The following ANK2 variants were observed in gnomAD, a reference collection of about 807,000 sequenced individuals.
The protein encoded by ANK2 is ankyrin 2, also known as ankyrin-2.
Under a neutral mutation model 360.5 loss-of-function variants are expected in ANK2, and 83 were observed. The ratio of observed to expected loss-of-function variants is 0.23; its 90% CI spans 0.19 to 0.28. The LOEUF is 0.28. ANK2 is among the 10% of genes least tolerant of loss of function. The pLI, the probability that ANK2 is intolerant of heterozygous loss-of-function variation, is 1.00. For synonymous variants in ANK2, 1,740 were observed against 1,759.5 expected (o/e 0.99, Z 0.28); for missense variants, 4,201 against 4,795.7 (o/e 0.88, Z 3.66).
intron 15 of ANK2, 48 bp downstream of exon 15, chr4:113,274,697 T>TC (rs1474505492): frequency 1.9e-6 from 3 of 1,590,868 alleles, no homozygotes; most frequent in Non-Finnish European, 2.6e-6. Context: ...GATTCCTAAG[T>TC]CATGGCCTTT....
intron 1 of ANK2, among the ~76,000 whole-genome samples, chr4:112,821,000 T>G (rs1286259405): frequency 6.6e-6 from 1 of 152,138 alleles, no homozygotes; most frequent in Admixed American, 6.5e-5. Flanking sequence ...CAACCTCCGC[T>G]TCCCGGGTTC....
intron 2 of ANK2, among the ~76,000 whole-genome samples, chr4:113,038,011 A>G (rs529446390): frequency 3.3e-5 from 5 of 152,028 alleles, no homozygotes; most frequent in African/African-American, 1.2e-4. Context: ...CTTGCACTAC[A>G]TGTGTCCCTT....
At position 113,242,179 on chromosome 4, in the gene ANK2, T is replaced by C; in HGVS notation, c.861T>C (p.Asp287=). The C allele has an allele frequency of 1.2e-6, 2 of 1,614,034 alleles. No individual in the cohort carries two copies. Among genetic ancestry groups the C allele is most frequent in the Non-Finnish European group, 1.7e-6 (2 of 1,179,930 alleles). Residue 287 remains aspartate (D), a synonymous_variant, in exon 9 of 46, where the codon GAT becomes GAC. Coordinates refer to ENST00000357077, the MANE Select transcript of ANK2 (RefSeq NM_001148.6). ...GNTNMVKLLL[D]RGGQIDAKTR... is the part of the protein sequence containing the mutation. Reference sequence around the variant, plus strand: ...CAAACATGGTGAAGCTCTTACTGGATCGAGGCGGTCAGATCGATGCCAAAA... The same window carrying C: ...CAAACATGGTGAAGCTCTTACTGGACCGAGGCGGTCAGATCGATGCCAAAA...
chr4:112,958,048 A>T (rs183180262), intron 2 of ANK2, among the ~76,000 whole-genome samples: 1 of 149,868 alleles, frequency 6.7e-6, no homozygotes, highest in African/African-American at 2.5e-5. Flanking sequence ...GTGGCCGGGA[A>T]GAGGCGCTCC....
intron 1 of ANK2, among the ~76,000 whole-genome samples, chr4:113,170,411 G>C (rs181194530): frequency 8.5e-5 from 13 of 152,204 alleles, no homozygotes; most frequent in Non-Finnish European, 1.6e-4. Flanking sequence ...ACAGCAAAAT[G>C]TTCTGTCTAT....
At position 113,160,250 on chromosome 4, in the gene ANK2, A is replaced by G. The variant is rs1414081683; in HGVS notation, c.85-14166A>G. The G allele has an allele frequency of 3.0e-5, 9 of 299,204 alleles. No individual in the cohort carries two copies. In the Admixed American group the frequency reaches 4.4e-4, roughly 15 times the overall value. 18.5% of individuals were successfully genotyped at this position (299,204 alleles called of 1,614,324 possible). On this transcript the variant is annotated intron_variant, in intron 1 of 45. Transcript: ENST00000357077. ...GAAACTTAAAAAAATTAATAAATAG[A>G]GACAGGGTCTCACTATGTTGTCAAG...
chr4:113,010,077 T>C (rs189965698), intron 2 of ANK2, among the ~76,000 whole-genome samples: 3 of 152,278 alleles, frequency 2.0e-5, no homozygotes, highest in Admixed American at 1.3e-4. Flanking sequence ...AAACTACTTC[T>C]GGGGCTTTTA....
At chr4:113,047,181 TCTTC>T (rs770851922), upstream of ANK2, among the ~76,000 whole-genome samples, 6 of 152,246 alleles carry the variant, frequency 3.9e-5, no homozygotes. Context: ...CCTAGAATAT[TCTTC>T]CTTCAGGTAA....
intron 18 of ANK2, among the ~76,000 whole-genome samples, chr4:113,285,886 T>G (rs2064327474): frequency 6.6e-6 from 1 of 152,202 alleles, no homozygotes; most frequent in Admixed American, 6.5e-5. Flanking sequence ...CACAACGTTA[T>G]AACAAAAGAC....
At chr4:112,785,152 T>G in the ANK2 span, among the ~76,000 whole-genome samples, 1 of 152,330 alleles carries the variant, frequency 6.6e-6, no homozygotes, top group African/African-American at 2.4e-5. Context: ...AGGCTGTGAA[T>G]GCAAATGATG....
chr4:113,224,305 A>G (rs946643305), intron 4 of ANK2, among the ~76,000 whole-genome samples: 1 of 152,262 alleles, frequency 6.6e-6, no homozygotes, highest in African/African-American at 2.4e-5. Context: ...TTTATGTAAC[A>G]AATATTTACT....
At chr4:113,330,137 T>TA (rs1344140513) in intron 26 of ANK2, 109 bp from the exon 27 acceptor site, 21 of 1,104,890 alleles carry the variant, frequency 1.9e-5, no homozygotes, top group South Asian at 4.2e-5. Flanking sequence ...TGCATTTAAA[T>TA]AAAAAAGAGA....
intron 5 of ANK2, among the ~76,000 whole-genome samples, chr4:113,233,132 T>C (rs2099337292): frequency 1.9e-5 from 2 of 103,224 alleles, no homozygotes; most frequent in African/African-American, 3.8e-5. Flanking sequence ...TTTTTTTTTT[T>C]TTTTTTTTTT....
At chr4:113,048,445 T>G (rs1380367537), upstream of ANK2, among the ~76,000 whole-genome samples, 1 of 147,556 alleles carries the variant, frequency 6.8e-6, no homozygotes, top group African/African-American at 2.5e-5. Context: ...TTTTTTTTTT[T>G]TGTATTTTTA....
In ANK2 at chr4:113,185,394, G is replaced by A. The variant is rs185786378; in HGVS notation, c.186+10877G>A. Among the ~76,000 whole-genome samples, 6 of 152,210 alleles carry A rather than the reference G, an allele frequency of 3.9e-5. No homozygotes were observed. The East Asian group carries it at 7.7e-4, about 20-fold the overall frequency. On this transcript the variant is annotated intron_variant, in intron 2 of 45. Transcript: ENST00000357077. ...GCATCTGTTGTTTCCTGACTTTTTAGTGATAGCCATTCTAACTGGTGTGAG... is the reference window on the plus strand; with the variant it reads ...GCATCTGTTGTTTCCTGACTTTTTAATGATAGCCATTCTAACTGGTGTGAG...
chr4:112,977,941 T>C (rs2041972939), intron 2 of ANK2, among the ~76,000 whole-genome samples: 1 of 152,216 alleles, frequency 6.6e-6, no homozygotes, highest in East Asian at 1.9e-4. Flanking sequence ...AAATAATTAT[T>C]AGTCTTTTTA....
chr4:113,279,201 G>A (rs931618808), intron 17 of ANK2, among the ~76,000 whole-genome samples: 4 of 152,028 alleles, frequency 2.6e-5, no homozygotes, highest in South Asian at 4.1e-4. Context: ...TCCTCATTGC[G>A]TCTTTCGTTC....
At chr4:113,077,936 T>G (rs1251674140) in intron 1 of ANK2, among the ~76,000 whole-genome samples, 1 of 152,206 alleles carries the variant, frequency 6.6e-6, no homozygotes, top group Non-Finnish European at 1.5e-5. Context: ...GCAGTAAATA[T>G]GTAAAATAGG....
chr4:112,779,169 A>G, the ANK2 span, among the ~76,000 whole-genome samples: 1 of 152,194 alleles, frequency 6.6e-6, no homozygotes, highest in Admixed American at 6.6e-5. Context: ...TTTAATGTAC[A>G]TCCTATAATA....
Sources: allele counts gnomAD v4.1 joint callset (sites outside exome capture counted in the v4.1 genomes callset), GRCh38; gene constraint gnomAD v4.1.1; transcripts MANE v1.5; gene names NCBI Gene and HGNC (gene_info 2026-07-23, HGNC 2026-07-21).